Variants in LINGO1 observed in about 807,000 individuals in gnomAD.
LINGO1 encodes leucine-rich repeat and immunoglobulin-like domain-containing nogo receptor-interacting protein 1.
In LINGO1, 11 loss-of-function variants were observed where a neutral mutation model predicts 37.3. The ratio of observed to expected loss-of-function variants is 0.29; its 90% CI spans 0.19 to 0.49. The LOEUF is 0.49. LINGO1 is among the 20% of genes least tolerant of loss of function. The pLI, the probability that LINGO1 is intolerant of heterozygous loss-of-function variation, is 0.99. For synonymous variants in LINGO1, 387 were observed against 403.0 expected, an observed-to-expected ratio of 0.96 and a Z score of 0.48; for missense variants, 585 against 878.2, an observed-to-expected ratio of 0.67 and a Z score of 4.22.
intron 1 of LINGO1, among the ~76,000 whole-genome samples, chr15:77,758,167 G>A (rs569558590): frequency 3.9e-5 from 6 of 152,162 alleles, no homozygotes; most frequent in Non-Finnish European, 8.8e-5. Context: ...TGCATGGTTC[G>A]AGGGTTAGAG....
At chr15:77,812,817 T>C (rs1373575692) in intron 1 of LINGO1, among the ~76,000 whole-genome samples, 2 of 152,218 alleles carry the variant, frequency 1.3e-5, no homozygotes, top group African/African-American at 4.8e-5. Flanking sequence ...CCCCGCCCCA[T>C]CCTGGCACAG....
intron 1 of LINGO1, among the ~76,000 whole-genome samples, chr15:77,627,498 C>T (rs111449560): frequency 0.12 from 18,265 of 152,194 alleles, 1,513 homozygotes; most frequent in Non-Finnish European, 0.19. Flanking sequence ...AGAGGACTCC[C>T]CAAGCAAGTG....
At chr15:77,705,876 C>T (rs528143556) in intron 2 of LINGO1, among the ~76,000 whole-genome samples, 1 of 152,250 alleles carries the variant, frequency 6.6e-6, no homozygotes, top group East Asian at 1.9e-4. Context: ...GAGGGGCCCA[C>T]TGATGCCTGA....
chr15:77,676,495 G>A (rs1322792835), intron 3 of LINGO1, among the ~76,000 whole-genome samples: 1 of 152,164 alleles, frequency 6.6e-6, no homozygotes, highest in African/African-American at 2.4e-5. Flanking sequence ...GCACCAGGCC[G>A]AAAGCCTTCA....
chr15:77,720,944 C>T (rs554588249), intron 2 of LINGO1, among the ~76,000 whole-genome samples: 3 of 152,216 alleles, frequency 2.0e-5, no homozygotes, highest in African/African-American at 7.2e-5. Flanking sequence ...CCCTCCCAGA[C>T]ACCTTCCGGG....
At chr15:77,676,524 G>C (rs893981914) in intron 3 of LINGO1, among the ~76,000 whole-genome samples, 4 of 152,196 alleles carry the variant, frequency 2.6e-5, no homozygotes, top group Non-Finnish European at 5.9e-5. Flanking sequence ...GTCCAGGAGT[G>C]GCGCAGAAAT....
intron 2 of LINGO1, among the ~76,000 whole-genome samples, chr15:77,793,636 T>C (rs1366139959): frequency 6.6e-6 from 1 of 152,104 alleles, no homozygotes; most frequent in Admixed American, 6.5e-5. Flanking sequence ...TCAGAAACCA[T>C]CAAAATACAC....
chr15:77,797,298 G>T (rs1229393727), intron 1 of LINGO1, among the ~76,000 whole-genome samples: 1 of 152,192 alleles, frequency 6.6e-6, no homozygotes, highest in Non-Finnish European at 1.5e-5. Flanking sequence ...GTTTCAATCA[G>T]ATCTGTGTTT....
chr15:77,633,167 C>T (rs2074319446), upstream of LINGO1, among the ~76,000 whole-genome samples: 1 of 151,556 alleles, frequency 6.6e-6, no homozygotes, highest in Admixed American at 6.6e-5. Context: ...CAGCTCTGCA[C>T]ACGGCCGCGC....
At chr15:77,794,571 C>CACAT (rs1361182951) in intron 2 of LINGO1, among the ~76,000 whole-genome samples, 2 of 43,340 alleles carry the variant, frequency 4.6e-5, no homozygotes, top group African/African-American at 1.4e-4. Context: ...TACACACACA[C>CACAT]ATATATATAT....
At chr15:77,671,150 G>A (rs879688609) in intron 3 of LINGO1, among the ~76,000 whole-genome samples, 3 of 113,126 alleles carry the variant, frequency 2.7e-5, no homozygotes, top group South Asian at 2.5e-4. Context: ...AGGGAACAGC[G>A]GGACTTGTGC....
At chr15:77,624,563 T>C (rs905165491) in intron 1 of LINGO1, among the ~76,000 whole-genome samples, 8 of 152,212 alleles carry the variant, frequency 5.3e-5, no homozygotes, top group Non-Finnish European at 8.8e-5. Context: ...ATTTTAATTG[T>C]CAGAGCATCT....
At chr15:77,817,519 C>G (rs1286136644) in intron 1 of LINGO1, among the ~76,000 whole-genome samples, 1 of 152,156 alleles carries the variant, frequency 6.6e-6, no homozygotes, top group Non-Finnish European at 1.5e-5. Flanking sequence ...TGACAGGAGC[C>G]GGGCTTCCAA....
chr15:77,765,466 T>C (rs1418582147), intron 1 of LINGO1, among the ~76,000 whole-genome samples: 1 of 150,142 alleles, frequency 6.7e-6, no homozygotes, highest in East Asian at 2.0e-4. Flanking sequence ...GCCCCTCTCC[T>C]ATTAACTGGT....
intron 2 of LINGO1, among the ~76,000 whole-genome samples, chr15:77,687,002 G>T (rs562583623): frequency 1.3e-5 from 2 of 152,170 alleles, no homozygotes; most frequent in African/African-American, 4.8e-5. Flanking sequence ...TGGACAAACA[G>T]GGCCATTTAC....
intron 3 of LINGO1, among the ~76,000 whole-genome samples, chr15:77,654,898 G>C (rs531881207): frequency 3.2e-4 from 48 of 152,322 alleles, no homozygotes; most frequent in African/African-American, 1.1e-3. Context: ...GGAGGCACCA[G>C]CCAGAGCTGA....
At chr15:77,810,973 A>G (rs1489453639) in intron 1 of LINGO1, among the ~76,000 whole-genome samples, 2 of 151,794 alleles carry the variant, frequency 1.3e-5, no homozygotes, top group East Asian at 3.9e-4. Context: ...TATCCCCCAG[A>G]AGCTCACCCC....
chr15:77,765,647 C>T (rs879378645), intron 1 of LINGO1, among the ~76,000 whole-genome samples: 1 of 152,062 alleles, frequency 6.6e-6, no homozygotes, highest in African/African-American at 2.4e-5. Flanking sequence ...AACTGAGGGT[C>T]TCTGGCCTGG....
intron 3 of LINGO1, chr15:77,647,997 C>A: frequency 4.4e-6 from 2 of 450,446 alleles, no homozygotes; most frequent in Non-Finnish European, 8.9e-6. Flanking sequence ...TTCTTTCCTC[C>A]CTCTCTCTGG....
Sources: allele counts gnomAD v4.1 joint callset (sites outside exome capture counted in the v4.1 genomes callset), GRCh38; gene constraint gnomAD v4.1.1; transcripts MANE v1.5; gene names NCBI Gene and HGNC (gene_info 2026-07-23, HGNC 2026-07-21).